The following RUSC2 variants were observed in gnomAD, a reference collection of about 807,000 sequenced individuals.
The protein encoded by RUSC2 is AP-4 complex accessory subunit RUSC2.
A neutral mutation model predicts 122.2 loss-of-function variants in RUSC2; 34 were observed. The observed-to-expected ratio is 0.28, with a 90% CI of 0.21 to 0.37. RUSC2 has a LOEUF of 0.37. Among genes scored for constraint, RUSC2 ranks in the 10% least tolerant of loss-of-function variants. The pLI, the probability that RUSC2 is intolerant of heterozygous loss-of-function variation, is 1.00. For missense variants in RUSC2, 1,747 were observed against 1,952.4 expected, an observed-to-expected ratio of 0.89 and a Z score of 1.98; for synonymous variants, 784 against 790.0, an observed-to-expected ratio of 0.99 and a Z score of 0.13.
Position 35,555,426 on chromosome 9 carries a change from ACT to A in RUSC2, c.2384_2385del (p.Ser795PhefsTer50), listed in dbSNP as rs770570476. 6.2e-7 allele frequency: 1 copy of A among 1,613,890 alleles called. No individual in the cohort carries two copies. ...GTTGGCCCCTTTGGGCCCAGCACTG[ACT>A]CTTCTGCCTCCACTTCGTGCTCCCC... On this transcript the variant is annotated frameshift_variant, in exon 3 of 12. Coordinates refer to ENST00000361226, the MANE Select transcript of RUSC2 (RefSeq NM_014806.5). LOFTEE classifies it high-confidence loss of function. The surrounding 1 kb of genome is among the most constrained non-coding windows in gnomAD (Gnocchi z 4.6).
rs371582786 is a variant in RUSC2 at position 35,558,326 on chromosome 9, C to T, written c.3190C>T (p.Arg1064Cys). The T allele has an allele frequency of 1.2e-5, 19 of 1,614,010 alleles. No homozygotes were observed. Among genetic ancestry groups the T allele is most frequent in the Admixed American group, 8.3e-5 (5 of 59,994 alleles). ...TGTACTGGACGTCATCATCGGGCAG[C>T]GTAAGAACATGCCATGGAGTGTGGT... ...AFVLDVIIGQ[R>C]KNMPWSVVEA... The change falls in exon 7 of 12, where the codon CGT (arginine) becomes TGT (cysteine). Residue 1064 changes from arginine (R) to cysteine (C), a missense_variant. Physicochemically the swap from Arg to Cys is radical, Grantham distance 180 (BLOSUM62 -3). Coordinates refer to ENST00000361226, the MANE Select transcript of RUSC2 (RefSeq NM_014806.5). This position sits in a 1 kb window ranked among gnomAD's most constrained non-coding sequence, Gnocchi z 4.3.
chr9:35,531,840 A>G (rs893233056), intron 1 of RUSC2, among the ~76,000 whole-genome samples: 2 of 152,182 alleles, frequency 1.3e-5, no homozygotes, highest in Non-Finnish European at 2.9e-5. Context: ...CCTGGCTAAC[A>G]CAGTGAAACC....
chr9:35,531,430 A>G (rs901876229), intron 1 of RUSC2, among the ~76,000 whole-genome samples: 3 of 152,188 alleles, frequency 2.0e-5, no homozygotes, highest in Admixed American at 1.3e-4. Flanking sequence ...AGAAGACTAT[A>G]TAATTCAGAG....
rs191886816 is a variant in RUSC2, at chr9:35,555,610, G to A, written c.2565G>A (p.Pro855=). 11 of 1,613,276 alleles carry A rather than the reference G, an allele frequency of 6.8e-6. No homozygotes were observed. Among genetic ancestry groups the A allele is most frequent in the East Asian group, 6.7e-5 (3 of 44,876 alleles). Residue 855 remains proline, a synonymous_variant, in exon 3 of 12, where the codon CCG becomes CCA. Transcript: ENST00000361226. The surrounding 1 kb of genome is among the most constrained non-coding windows in gnomAD (Gnocchi z 4.6). The part of the protein sequence containing the change: ...EYRLHGTGSL[P]PLGSWRSGLS... ...GGCTCCATGGAACAGGAAGCTTGCC[G>A]CCTCTGGGCTCCTGGCGATCTGGCC...
intron 1 of RUSC2, among the ~76,000 whole-genome samples, chr9:35,491,886 C>G (rs7846774): frequency 6.6e-6 from 1 of 151,908 alleles, no homozygotes; most frequent in African/African-American, 2.4e-5. Flanking sequence ...GGCAGGAGAA[C>G]CCCTTGAACC....
At chr9:35,542,258 C>A (rs1188765394) in intron 1 of RUSC2, among the ~76,000 whole-genome samples, 1 of 152,130 alleles carries the variant, frequency 6.6e-6, no homozygotes, top group Non-Finnish European at 1.5e-5. Flanking sequence ...AGTGAAAGAG[C>A]TTGACAGTTA....
intron 1 of RUSC2, among the ~76,000 whole-genome samples, chr9:35,490,639 C>T (rs10814241): frequency 6.6e-6 from 1 of 152,054 alleles, no homozygotes; most frequent in Admixed American, 6.5e-5. Context: ...AGTTCCCGGC[C>T]GGGTCCTCTG....
chr9:35,532,099 C>A (rs1258929205), intron 1 of RUSC2, among the ~76,000 whole-genome samples: 3 of 152,170 alleles, frequency 2.0e-5, no homozygotes, highest in African/African-American at 7.2e-5. Flanking sequence ...TGGTAGTTGT[C>A]TGAATGTAAA....
rs1161669749 is a variant in RUSC2, at chr9:35,560,017, CTT to C, written c.3389-9_3389-8del. ...TCTCTGTGTGGATCAGTCCCTCTCT[CTT>C]TTCCCCTAGACATCATCCAGACCCA... On this transcript the variant is annotated splice_polypyrimidine_tract_variant and intron_variant, in intron 9 of 11. Transcript: ENST00000361226. The C allele has an allele frequency of 5.7e-6, 9 of 1,575,292 alleles. No homozygotes were observed. Among genetic ancestry groups the C allele is most frequent in the African/African-American group, 2.7e-5 (2 of 74,000 alleles).
intron 1 of RUSC2, among the ~76,000 whole-genome samples, chr9:35,491,700 G>A (rs888186337): frequency 4.6e-5 from 7 of 152,210 alleles, no homozygotes; most frequent in Non-Finnish European, 5.9e-5. Flanking sequence ...CTGTAATCCC[G>A]GCACTTTGGG....
At chr9:35,556,200 G>GA in intron 4 of RUSC2, 63 bp downstream of exon 4, 1 of 1,601,258 alleles carries the variant, frequency 6.2e-7, no homozygotes, top group East Asian at 2.2e-5. Context: ...AAGGGCTAGA[G>GA]AAGGGGTCAG....
At chr9:35,533,611 G>C (rs1214660416) in intron 1 of RUSC2, among the ~76,000 whole-genome samples, 1 of 152,122 alleles carries the variant, frequency 6.6e-6, no homozygotes, top group East Asian at 1.9e-4. Context: ...ACACCCATTA[G>C]CAGGCACTCC....
chr9:35,556,451 G>A lies in RUSC2; in HGVS notation c.2983+3G>A, dbSNP rs770889370. On this transcript the variant is annotated splice_donor_region_variant and intron_variant, in intron 5 of 11. Transcript: ENST00000361226. ...CATTGACCTGCTTCAGAAAAAAGGT[G>A]CATACAACCCCCAGCTCAGGCCAGG... 1.6e-5 allele frequency: 26 copies of A among 1,613,598 alleles called. No homozygotes were observed. Among genetic ancestry groups the A allele is most frequent in the Non-Finnish European group, 2.0e-5 (24 of 1,179,844 alleles).
chr9:35,558,208 A>G lies in RUSC2; in HGVS notation c.3072A>G (p.Gly1024=). 10 of 1,613,300 alleles carry G rather than the reference A, an allele frequency of 6.2e-6. No individual in the cohort carries two copies. Among genetic ancestry groups the G allele is most frequent in the Non-Finnish European group, 8.5e-6 (10 of 1,179,896 alleles). ...TACCACACCTACAGGCAAAGCTGGG[A>G]AACAGTTCTGTGAGCCCCAATGTGG... The part of the protein sequence containing the change: ...SRDPGVKAKL[G]NSSVSPNVGH... Residue 1024 remains glycine, a synonymous_variant, in exon 7 of 12, where the codon GGA becomes GGG. Coordinates refer to ENST00000361226, the MANE Select transcript of RUSC2 (RefSeq NM_014806.5). The surrounding 1 kb of genome is among the most constrained non-coding windows in gnomAD (Gnocchi z 4.3).
At position 35,560,018 on chromosome 9, in the gene RUSC2, T is replaced by G; in HGVS notation, c.3389-11T>G. On this transcript the variant is annotated splice_polypyrimidine_tract_variant and intron_variant, in intron 9 of 11. Coordinates refer to ENST00000361226, the MANE Select transcript of RUSC2 (RefSeq NM_014806.5). ...CTCTGTGTGGATCAGTCCCTCTCTC[T>G]TTTCCCCTAGACATCATCCAGACCC... is the stretch of plus-strand genomic sequence containing the variant. The G allele has an allele frequency of 6.4e-7, 1 of 1,573,788 alleles. No individual in the cohort carries two copies. Among genetic ancestry groups the G allele is most frequent in the Non-Finnish European group, 8.7e-7 (1 of 1,154,072 alleles).
At chr9:35,518,972 A>G (rs189766482) in intron 1 of RUSC2, among the ~76,000 whole-genome samples, 38 of 152,278 alleles carry the variant, frequency 2.5e-4, no homozygotes, top group African/African-American at 8.9e-4. Context: ...CCAGAACAAC[A>G]GGGCCTACCT....
chr9:35,537,078 C>T (rs1821544030), intron 1 of RUSC2, among the ~76,000 whole-genome samples: 1 of 152,080 alleles, frequency 6.6e-6, no homozygotes, highest in African/African-American at 2.4e-5. Context: ...TTGATCTTTC[C>T]TCAAAACCCT....
intron 1 of RUSC2, among the ~76,000 whole-genome samples, chr9:35,498,541 G>C (rs1166581292): frequency 6.6e-6 from 1 of 151,430 alleles, no homozygotes; most frequent in African/African-American, 2.4e-5. Context: ...CTGGGAGACA[G>C]AGCAAGACTC....
At chr9:35,551,879 G>C (rs998690116) in intron 2 of RUSC2, among the ~76,000 whole-genome samples, 2 of 151,872 alleles carry the variant, frequency 1.3e-5, no homozygotes, top group Non-Finnish European at 2.9e-5. Context: ...GGGCAATATA[G>C]TGAGACCCTG....
Sources: gnomAD v4.1 joint callset for allele counts (sites outside exome capture counted in the v4.1 genomes callset) on GRCh38, gnomAD v4.1.1 for gene constraint, Gnocchi (gnomAD v3.1) non-coding constraint, MANE v1.5 for transcripts, NCBI Gene and HGNC (gene_info 2026-07-23, HGNC 2026-07-21) for gene names.